Variants in MB21D2 observed in about 807,000 individuals in gnomAD.
MB21D2 encodes the protein Mab-21 domain containing 2, also known as nucleotidyltransferase MB21D2.
MB21D2 carries 9 observed loss-of-function variants against 33.3 expected under a neutral mutation model. The observed-to-expected ratio is 0.27, with a 90% CI of 0.16 to 0.47. The LOEUF is 0.47. MB21D2 is among the 20% of genes least tolerant of loss of function. MB21D2 has a pLI of 0.99. For missense variants in MB21D2, 540 were observed against 624.6 expected (o/e 0.86, Z 1.44); for synonymous variants, 241 against 236.3 (o/e 1.02, Z -0.18).
chr3:192,799,752 A>C lies in MB21D2; in HGVS notation c.212-102T>G. On this transcript the variant is annotated intron_variant, in intron 1 of 1. Transcript: ENST00000392452. The surrounding 1 kb of genome is among the most constrained non-coding windows in gnomAD (Gnocchi z 4.1). ...TCTGATGTTCCAAGAACCAAAACTC[A>C]TTATCAGTACTAAATCAAATCTCAG... is the stretch of plus-strand genomic sequence containing the variant. 2 of 1,245,774 alleles carry C rather than the reference A, an allele frequency of 1.6e-6. No homozygotes were observed. The highest frequency in any genetic ancestry group is 2.2e-6 in the Non-Finnish European group (2 of 919,628). 77.2% of individuals were successfully genotyped at this position (1,245,774 alleles called of 1,614,324 possible).
chr3:192,833,780 A>C (rs963566938), intron 1 of MB21D2, among the ~76,000 whole-genome samples: 9 of 152,170 alleles, frequency 5.9e-5, no homozygotes, highest in Admixed American at 5.9e-4. Context: ...CTGTTGTTGC[A>C]ATGAAGTTTT....
chr3:192,808,635 G>A (rs1021115422), intron 1 of MB21D2, among the ~76,000 whole-genome samples: 1 of 152,192 alleles, frequency 6.6e-6, no homozygotes, highest in Admixed American at 6.5e-5. Flanking sequence ...TCTCAGTATA[G>A]ATGTCTTCCG....
intron 1 of MB21D2, among the ~76,000 whole-genome samples, chr3:192,828,411 C>A (rs545866098): frequency 6.6e-6 from 1 of 151,198 alleles, no homozygotes; most frequent in East Asian, 2.0e-4. Context: ...TCCAGCACAC[C>A]TGTGCAGCAG....
chr3:192,881,358 G>C (rs1236107756), intron 1 of MB21D2, among the ~76,000 whole-genome samples: 1 of 152,058 alleles, frequency 6.6e-6, no homozygotes, highest in African/African-American at 2.4e-5. Context: ...TTGCTCTGTA[G>C]CTCTGTTTCT....
At chr3:192,914,000 C>G (rs1714409810) in intron 1 of MB21D2, among the ~76,000 whole-genome samples, 1 of 152,166 alleles carries the variant, frequency 6.6e-6, no homozygotes, top group Non-Finnish European at 1.5e-5. Context: ...CAGAAATCTA[C>G]TTATATTACG....
At chr3:192,868,798 A>G (rs2108636599) in intron 1 of MB21D2, among the ~76,000 whole-genome samples, 1 of 152,326 alleles carries the variant, frequency 6.6e-6, no homozygotes, top group South Asian at 2.1e-4. Flanking sequence ...TCACTGCCAC[A>G]TATAATCATG....
intron 1 of MB21D2, among the ~76,000 whole-genome samples, chr3:192,806,196 T>A (rs73060235): frequency 0.028 from 4,221 of 152,292 alleles, 183 homozygotes; most frequent in African/African-American, 0.096. Flanking sequence ...CTGAACTAAA[T>A]TAGCACTTTC....
intron 1 of MB21D2, among the ~76,000 whole-genome samples, chr3:192,898,962 G>A (rs1714035779): frequency 6.6e-6 from 1 of 152,216 alleles, no homozygotes; most frequent in Admixed American, 6.5e-5. Context: ...TCAAAGAACT[G>A]AAAGGCCAAC....
intron 1 of MB21D2, among the ~76,000 whole-genome samples, chr3:192,884,169 A>G (rs1240366461): frequency 6.6e-6 from 1 of 152,078 alleles, no homozygotes; most frequent in Non-Finnish European, 1.5e-5. Context: ...TGGTGATGTA[A>G]AACTGCATTT....
intron 1 of MB21D2, among the ~76,000 whole-genome samples, chr3:192,884,612 C>T (rs1713689906): frequency 6.6e-6 from 1 of 151,992 alleles, no homozygotes; most frequent in Admixed American, 6.5e-5. Context: ...CGTGATCTGC[C>T]CGCCTTGGCC....
At chr3:192,832,812 G>C (rs987992693) in intron 1 of MB21D2, among the ~76,000 whole-genome samples, 1 of 152,128 alleles carries the variant, frequency 6.6e-6, no homozygotes, top group Non-Finnish European at 1.5e-5. Flanking sequence ...AGGGGACCGG[G>C]GGGAAGAGTA....
chr3:192,902,075 A>T, intron 1 of MB21D2, among the ~76,000 whole-genome samples: 1 of 152,214 alleles, frequency 6.6e-6, no homozygotes, highest in East Asian at 1.9e-4. Context: ...ACTTTTCAAT[A>T]AACAAAATCA....
intron 1 of MB21D2, among the ~76,000 whole-genome samples, chr3:192,814,827 T>C (rs1034760888): frequency 2.0e-5 from 3 of 149,560 alleles, no homozygotes; most frequent in Admixed American, 6.7e-5. Flanking sequence ...ATTGTGCCAC[T>C]GCATTCCAGC....
intron 1 of MB21D2, among the ~76,000 whole-genome samples, chr3:192,849,966 C>A (rs1328338528): frequency 2.0e-5 from 3 of 151,068 alleles, no homozygotes; most frequent in Non-Finnish European, 4.4e-5. Context: ...TCACCCAGGC[C>A]GGAGTGCAGT....
rs542867871 is a variant in MB21D2 at position 192,850,659 on chromosome 3, C to T, written c.212-51009G>A. Reference sequence around the variant, plus strand: ...AGCCCTGCACGCTGCCGAATCAGCCCTGAGCAAACCTGTCAGTGGACTGGG... The same window carrying T: ...AGCCCTGCACGCTGCCGAATCAGCCTTGAGCAAACCTGTCAGTGGACTGGG... On this transcript the variant is annotated intron_variant, in intron 1 of 1. Coordinates refer to ENST00000392452, the MANE Select transcript of MB21D2 (RefSeq NM_178496.4). Among the ~76,000 whole-genome samples the T allele has an allele frequency of 1.2e-4, 18 of 152,326 alleles. No individual in the cohort carries two copies. In the East Asian group the frequency reaches 2.3e-3, roughly 20 times the overall value.
At chr3:192,801,821 C>T (rs530547459) in intron 1 of MB21D2, among the ~76,000 whole-genome samples, 7 of 152,190 alleles carry the variant, frequency 4.6e-5, no homozygotes, top group Non-Finnish European at 8.8e-5. Flanking sequence ...AAATTTAACG[C>T]TCATTTATTA....
At chr3:192,804,870 C>T (rs1381566297) in intron 1 of MB21D2, among the ~76,000 whole-genome samples, 3 of 152,180 alleles carry the variant, frequency 2.0e-5, no homozygotes, top group East Asian at 1.9e-4. Context: ...TTCTGAGGAA[C>T]GTCTGAGATG....
At chr3:192,872,456 G>A (rs1009665621) in intron 1 of MB21D2, among the ~76,000 whole-genome samples, 1 of 151,502 alleles carries the variant, frequency 6.6e-6, no homozygotes, top group Non-Finnish European at 1.5e-5. Flanking sequence ...AGCGCCTGTA[G>A]TCCCAGCTAC....
chr3:192,829,195 G>C (rs12635748), intron 1 of MB21D2, among the ~76,000 whole-genome samples: 1 of 152,224 alleles, frequency 6.6e-6, no homozygotes, highest in South Asian at 2.1e-4. Flanking sequence ...CTTTCACTTA[G>C]CATGATGCTT....
Sources: gnomAD v4.1 joint callset for allele counts (sites outside exome capture counted in the v4.1 genomes callset) on GRCh38, gnomAD v4.1.1 for gene constraint, Gnocchi (gnomAD v3.1) non-coding constraint, MANE v1.5 for transcripts, NCBI Gene and HGNC (gene_info 2026-07-23, HGNC 2026-07-21) for gene names.